The following PKN2 variants were observed in gnomAD, a reference collection of about 807,000 sequenced individuals.
PKN2 encodes serine/threonine-protein kinase N2.
PKN2 carries 38 observed loss-of-function variants against 119.1 expected under a neutral mutation model. The observed-to-expected ratio is 0.32, with a 90% confidence interval of 0.25 to 0.42. The LOEUF (loss-of-function observed/expected upper bound fraction) is 0.42, where lower values mean the gene tolerates loss of function less well. Ranked by LOEUF, PKN2 falls within the 10% of genes least tolerant of loss-of-function variation. PKN2 has a pLI of 1.00. For synonymous variants in PKN2, 390 were observed against 384.9 expected, an observed-to-expected ratio of 1.01 and a Z score of -0.15; for missense variants, 850 against 1,165.1, an observed-to-expected ratio of 0.73 and a Z score of 3.94.
At chr1:88,824,689 C>A (rs1672426863) in intron 18 of PKN2, among the ~76,000 whole-genome samples, 1 of 152,202 alleles carries the variant, frequency 6.6e-6, no homozygotes, top group Non-Finnish European at 1.5e-5. Flanking sequence ...TCTGGTGAGA[C>A]TGTACACAGT....
intron 1 of PKN2, among the ~76,000 whole-genome samples, chr1:88,688,083 C>G (rs1666177212): frequency 2.0e-5 from 1 of 50,660 alleles, no homozygotes; most frequent in African/African-American, 7.8e-5. Context: ...TCCCACTACA[C>G]TATTCTTTTT....
At chr1:88,758,418 T>C (rs1005205774) in intron 2 of PKN2, among the ~76,000 whole-genome samples, 13 of 152,082 alleles carry the variant, frequency 8.5e-5, no homozygotes, top group African/African-American at 3.1e-4. Context: ...CCTGTGAAGA[T>C]TTGTTATATA....
Position 88,825,215 on chromosome 1 carries a change from T to C in PKN2, c.2419+829T>C, listed in dbSNP as rs143479039. On this transcript the variant is annotated intron_variant, in intron 18 of 21. Coordinates refer to ENST00000370521, the MANE Select transcript of PKN2 (RefSeq NM_006256.4). ...TGACCTAATTGCTGAATCAAGTAAGTTTTTTCTTGACTGGGCTTCTTTTTA... is the reference window on the plus strand; with the variant it reads ...TGACCTAATTGCTGAATCAAGTAAGCTTTTTCTTGACTGGGCTTCTTTTTA... Among the ~76,000 whole-genome samples the C allele has an allele frequency of 3.0e-3, 451 of 152,258 alleles. 4 individuals are homozygous for C. The highest frequency in any genetic ancestry group is 0.01 in the African/African-American group (429 of 41,536).
rs1414254519 is a variant in PKN2, at chr1:88,784,619, A to G, written c.986-20A>G. ...GATTAAGGGTTGATGTTCTTATCTGATATTTATGTTTGCCAACAGGTACTT... is the reference window on the plus strand; with the variant it reads ...GATTAAGGGTTGATGTTCTTATCTGGTATTTATGTTTGCCAACAGGTACTT... On this transcript the variant is annotated intron_variant, in intron 6 of 21. Coordinates refer to ENST00000370521, the MANE Select transcript of PKN2 (RefSeq NM_006256.4). 1 of 1,499,666 alleles carries G rather than the reference A, an allele frequency of 6.7e-7. No homozygotes were observed. Among genetic ancestry groups the G allele is most frequent in the Admixed American group, 2.0e-5 (1 of 49,874 alleles). 92.9% of individuals were successfully genotyped at this position (1,499,666 alleles called of 1,614,324 possible).
rs534936564 is a variant in PKN2 at position 88,767,601 on chromosome 1, C to T, written c.505-2751C>T. ...CTGAATACTGTAGGCAATTGTAACA[C>T]AATGGTAAGTACTTGCATATCTAAA... On this transcript the variant is annotated intron_variant, in intron 3 of 21. Coordinates refer to ENST00000370521, the MANE Select transcript of PKN2 (RefSeq NM_006256.4). Among the ~76,000 whole-genome samples, 41 of 152,194 alleles carry T rather than the reference C, an allele frequency of 2.7e-4. 1 individual carries two copies. The South Asian group carries it at 8.3e-3, about 31-fold the overall frequency.
At chr1:88,739,610 A>G (rs1668496834) in intron 1 of PKN2, among the ~76,000 whole-genome samples, 1 of 152,212 alleles carries the variant, frequency 6.6e-6, no homozygotes, top group Admixed American at 6.5e-5. Context: ...TTTCTTTTCC[A>G]TGTCCTTCAT....
At chr1:88,749,208 TAGG>T (rs1307390126) in intron 2 of PKN2, among the ~76,000 whole-genome samples, 1 of 152,118 alleles carries the variant, frequency 6.6e-6, no homozygotes, top group Non-Finnish European at 1.5e-5. Context: ...TCTTCTCTAC[TAGG>T]AGATGATAGG....
chr1:88,835,568 A>T lies in PKN2; in HGVS notation c.*2120A>T, dbSNP rs1008443576. The T allele has an allele frequency of 2.7e-4, 41 of 152,472 alleles. No homozygotes were observed. Among genetic ancestry groups the T allele is most frequent in the African/African-American group, 9.1e-4 (38 of 41,540 alleles). The allele number at this position is 152,472 out of a possible 1,614,324, so 9.4% of individuals were successfully genotyped here. ...TTTTTGTAGTTTAAAATATATATAT[A>T]TTTTAGTCAGATTTAAAATTTTAAG... is the stretch of plus-strand genomic sequence containing the variant. On this transcript the variant is annotated 3_prime_UTR_variant, in exon 22 of 22. Coordinates refer to ENST00000370521, the MANE Select transcript of PKN2 (RefSeq NM_006256.4).
intron 1 of PKN2, among the ~76,000 whole-genome samples, chr1:88,695,519 T>A (rs1311310871): frequency 6.6e-6 from 1 of 152,150 alleles, no homozygotes; most frequent in Admixed American, 6.5e-5. Context: ...ATTCCCCAGT[T>A]GTGGCTCAAA....
intron 16 of PKN2, chr1:88,815,391 T>C: frequency 3.2e-6 from 1 of 311,794 alleles, no homozygotes; most frequent in Non-Finnish European, 6.1e-6. Flanking sequence ...AGCTAAAATA[T>C]CACATCACTA....
chr1:88,748,296 C>T (rs1273971588), intron 2 of PKN2, among the ~76,000 whole-genome samples: 1 of 152,180 alleles, frequency 6.6e-6, no homozygotes, highest in Non-Finnish European at 1.5e-5. Flanking sequence ...CTGACCTGTT[C>T]TGTCACTATA....
rs1671453160 is a variant in PKN2, at chr1:88,804,406, A to G, written c.1297A>G (p.Ile433Val). 3.1e-6 allele frequency: 5 copies of G among 1,611,336 alleles called. No individual in the cohort carries two copies. The highest frequency in any genetic ancestry group is 1.3e-5 in the African/African-American group (1 of 74,756). ...LELDRSRELE[I>V]SVYWRDWRSL... The stretch of plus-strand genomic sequence containing the variant: ...ATTATCCTAGTCACGTGAACTGGAA[A>G]TTTCAGTTTATTGGCGTGATTGGCG... Residue 433 changes from isoleucine to valine, a missense_variant, in exon 9 of 22, where the codon ATT becomes GTT. By Grantham distance (29) the Ile-to-Val change is conservative (BLOSUM62 3). Coordinates refer to ENST00000370521, the MANE Select transcript of PKN2 (RefSeq NM_006256.4).
At chr1:88,791,196 G>A (rs1670820389) in intron 8 of PKN2, among the ~76,000 whole-genome samples, 2 of 151,912 alleles carry the variant, frequency 1.3e-5, no homozygotes, top group Admixed American at 1.3e-4. Context: ...CCAGCACTTC[G>A]GCAGGCCGAA....
intron 6 of PKN2, among the ~76,000 whole-genome samples, chr1:88,782,882 T>A (rs1245554155): frequency 6.6e-6 from 1 of 152,212 alleles, no homozygotes; most frequent in Non-Finnish European, 1.5e-5. Context: ...ATGCTGAATA[T>A]TTTTGTATTT....
In PKN2 at chr1:88,748,364, AT is replaced by A. The variant is rs549005244; in HGVS notation, c.349+7082del. On this transcript the variant is annotated intron_variant, in intron 2 of 21. Transcript: ENST00000370521. The stretch of plus-strand genomic sequence containing the variant: ...TTATAAAGTATATAAGTTTTTGAGA[AT>A]TTTTTCCCTCCGCATATTGCCTTTG... Among the ~76,000 whole-genome samples the A allele has an allele frequency of 3.6e-3, 549 of 152,134 alleles. 4 individuals are homozygous for A. Among genetic ancestry groups the A allele is most frequent in the African/African-American group, 0.012 (514 of 41,492 alleles).
chr1:88,787,836 C>G (rs1670645240), intron 8 of PKN2, among the ~76,000 whole-genome samples: 1 of 151,882 alleles, frequency 6.6e-6, no homozygotes, highest in Admixed American at 6.6e-5. Context: ...CTTTCTTATC[C>G]CTAATTTGAT....
intron 1 of PKN2, among the ~76,000 whole-genome samples, chr1:88,709,001 C>G (rs886293640): frequency 6.6e-6 from 1 of 151,632 alleles, no homozygotes; most frequent in African/African-American, 2.4e-5. Flanking sequence ...CAAGTATTCA[C>G]TGAGCTCCTG....
At chr1:88,785,303 T>G (rs1297774262) in intron 7 of PKN2, among the ~76,000 whole-genome samples, 1 of 152,116 alleles carries the variant, frequency 6.6e-6, no homozygotes, top group East Asian at 1.9e-4. Flanking sequence ...TAATTTTTTT[T>G]TCTAGAGGCA....
Position 88,684,483 on chromosome 1 carries a change from T to A in PKN2, c.-98T>A. On this transcript the variant is annotated 5_prime_UTR_variant, in exon 1 of 22. Transcript: ENST00000370521. ...TCCCTAGTTGTTTTTTTTTTTTTCTTTCTCTCCCCTCTCCTCACCCCCACC... is the reference window on the plus strand; with the variant it reads ...TCCCTAGTTGTTTTTTTTTTTTTCTATCTCTCCCCTCTCCTCACCCCCACC... 1.0e-6 allele frequency: 1 copy of A among 988,956 alleles called. No individual in the cohort carries two copies. Among genetic ancestry groups the A allele is most frequent in the South Asian group, 1.5e-5 (1 of 65,080 alleles). The allele number at this position is 988,956 out of a possible 1,614,324, so 61.3% of individuals were successfully genotyped here.
Sources: allele counts gnomAD v4.1 joint callset (sites outside exome capture counted in the v4.1 genomes callset), GRCh38; gene constraint gnomAD v4.1.1; transcripts MANE v1.5; gene names NCBI Gene and HGNC (gene_info 2026-07-23, HGNC 2026-07-21).